The following ZPBP variants were observed in gnomAD, a reference collection of about 807,000 sequenced individuals.
ZPBP encodes zona pellucida binding protein, also known as zona pellucida-binding protein 1.
ZPBP carries 26 observed loss-of-function variants against 44.8 expected under a neutral mutation model. The observed-to-expected ratio is 0.58, with a 90% CI of 0.43 to 0.81. The LOEUF is 0.81. ZPBP is among the 30% of genes least tolerant of loss of function. The probability of loss-of-function intolerance (pLI) is 0.00; values close to 1 mark genes in which losing one functional copy is unlikely to be tolerated. For missense variants in ZPBP, 409 were observed against 434.0 expected (o/e 0.94, Z 0.51); for synonymous variants, 174 against 153.2 (o/e 1.14, Z -1.00).
intron 2 of ZPBP, among the ~76,000 whole-genome samples, chr7:49,852,538 G>A (rs1790222836): frequency 6.6e-6 from 1 of 152,066 alleles, no homozygotes; most frequent in Non-Finnish European, 1.5e-5. Context: ...CAGAAGGGCC[G>A]AAGATCATAC....
intron 1 of ZPBP, among the ~76,000 whole-genome samples, chr7:49,930,726 T>C (rs1350569904): frequency 6.6e-6 from 1 of 152,158 alleles, no homozygotes; most frequent in Non-Finnish European, 1.5e-5. Context: ...TACTTCTGAG[T>C]ATTTAGCATG....
chr7:49,860,473 A>G (rs1347400171), intron 2 of ZPBP, among the ~76,000 whole-genome samples: 2 of 152,206 alleles, frequency 1.3e-5, no homozygotes. Context: ...TTGTATGTAT[A>G]TGCCGTGATT....
At chr7:50,086,556 C>T (rs1802660989) in intron 2 of ZPBP, among the ~76,000 whole-genome samples, 3 of 151,718 alleles carry the variant, frequency 2.0e-5, no homozygotes. Context: ...TTAAACAGTA[C>T]AATAACTGAA....
downstream of ZPBP, chr7:49,935,697 C>T (rs1472611304): frequency 6.6e-6 from 1 of 152,246 alleles, no homozygotes; most frequent in Non-Finnish European, 1.5e-5. Context: ...GCGCTCGGCC[C>T]TTTGCATCAA....
intron 3 of ZPBP, among the ~76,000 whole-genome samples, chr7:50,073,651 A>G (rs977609103): frequency 6.6e-6 from 1 of 152,120 alleles, no homozygotes; most frequent in Non-Finnish European, 1.5e-5. Flanking sequence ...GGATCCAAAA[A>G]GCAGAAAGAA....
At chr7:50,023,504 G>C (rs1799189370) in intron 5 of ZPBP, among the ~76,000 whole-genome samples, 1 of 151,804 alleles carries the variant, frequency 6.6e-6, no homozygotes, top group Admixed American at 6.6e-5. Flanking sequence ...CCAAATCCCA[G>C]ACAGATAAAC....
At position 49,877,481 on chromosome 7, in the gene ZPBP, A is replaced by AAAATATACATATATATAT; in HGVS notation, n.509+23636_509+23637insATATATATATGTATATTT. Among the ~76,000 whole-genome samples, 26 of 12,732 alleles carry AAAATATACATATATATAT rather than the reference A, an allele frequency of 2.0e-3. 5 individuals carry two copies. Among genetic ancestry groups the AAAATATACATATATATAT allele is most frequent in the East Asian group, 0.011 (2 of 180 alleles). 8.4% of individuals were successfully genotyped at this position (12,732 alleles called of 152,430 possible). A position where few individuals can be genotyped will look rare whatever the true frequency, so the allele number is the denominator to read the frequency against. ...CTGTCTCAAAAAAAAAAAAAAAAAAAATATATATATATATATATATATATA... is the reference window on the plus strand; with the variant it reads ...CTGTCTCAAAAAAAAAAAAAAAAAAAAAATATACATATATATATATATATATATATATATATATATATA... On this transcript the variant is annotated intron_variant and non_coding_transcript_variant, in intron 2 of 2. Transcript: ENST00000465922.
chr7:49,876,221 A>G (rs1010339725), intron 2 of ZPBP, among the ~76,000 whole-genome samples: 2 of 152,190 alleles, frequency 1.3e-5, no homozygotes, highest in Non-Finnish European at 2.9e-5. Flanking sequence ...CCAGATAGTA[A>G]GATACCGAAA....
intron 4 of ZPBP, among the ~76,000 whole-genome samples, chr7:50,033,655 C>T (rs368135936): frequency 2.1e-5 from 3 of 143,420 alleles, no homozygotes; most frequent in Admixed American, 6.9e-5. Context: ...TCTATAATAA[C>T]GTCAATAATT....
intron 5 of ZPBP, among the ~76,000 whole-genome samples, chr7:50,026,806 C>G (rs1387455332): frequency 1.3e-5 from 2 of 151,906 alleles, no homozygotes; most frequent in Non-Finnish European, 1.5e-5. Context: ...AGACTCCCTT[C>G]CTAACTCTGA....
At chr7:49,996,717 A>T (rs1451587897) in intron 6 of ZPBP, among the ~76,000 whole-genome samples, 1 of 152,200 alleles carries the variant, frequency 6.6e-6, no homozygotes, top group Non-Finnish European at 1.5e-5. Flanking sequence ...GACTTTGTTC[A>T]TTTGACCTGG....
At position 50,044,304 on chromosome 7, in the gene ZPBP, T is replaced by C. The variant is rs1439933628; in HGVS notation, c.488-12994A>G. 3.3e-5 allele frequency among the ~76,000 whole-genome samples: 5 copies of C among 151,436 alleles called. 1 individual carries two copies. The highest frequency in any genetic ancestry group is 3.3e-4 in the Admixed American group (5 of 15,220). ...TCAAAAGCCAGCAGAAGACAAGAAATAAAACTAAGATCAGAGCAGAACTAA... is the reference window on the plus strand; with the variant it reads ...TCAAAAGCCAGCAGAAGACAAGAAACAAAACTAAGATCAGAGCAGAACTAA... On this transcript the variant is annotated intron_variant, in intron 4 of 7. Coordinates refer to ENST00000046087, the MANE Select transcript of ZPBP (RefSeq NM_007009.3).
intron 7 of ZPBP, among the ~76,000 whole-genome samples, chr7:49,964,490 A>T (rs765343923): frequency 6.6e-6 from 1 of 152,090 alleles, no homozygotes; most frequent in Non-Finnish European, 1.5e-5. Flanking sequence ...AGCAGCCAAC[A>T]ATTGAAATAA....
intron 4 of ZPBP, among the ~76,000 whole-genome samples, chr7:50,033,910 C>G (rs1799714466): frequency 6.6e-6 from 1 of 152,066 alleles, no homozygotes; most frequent in African/African-American, 2.4e-5. Flanking sequence ...CTAGTCTGGT[C>G]TCGAACTCCT....
chr7:49,951,501 G>A (rs1795342079), intron 7 of ZPBP, among the ~76,000 whole-genome samples: 1 of 147,528 alleles, frequency 6.8e-6, no homozygotes, highest in South Asian at 2.1e-4. Flanking sequence ...AATAAAAACT[G>A]AATGAGACAC....
At chr7:49,855,261 A>T (rs1255922649) in intron 2 of ZPBP, among the ~76,000 whole-genome samples, 1 of 152,238 alleles carries the variant, frequency 6.6e-6, no homozygotes, top group Non-Finnish European at 1.5e-5. Context: ...TGAGGAAAAC[A>T]CTGGGTCATA....
intron 5 of ZPBP, among the ~76,000 whole-genome samples, chr7:50,026,735 A>C (rs921680204): frequency 6.6e-6 from 1 of 151,902 alleles, no homozygotes; most frequent in Non-Finnish European, 1.5e-5. Context: ...AACAAACAAA[A>C]AAACCACACA....
At chr7:49,912,996 A>T (rs1304885249) in intron 1 of ZPBP, 1 of 152,210 alleles carries the variant, frequency 6.6e-6, no homozygotes, top group Non-Finnish European at 1.5e-5. Context: ...AAGCTGAAGC[A>T]GACAACAAAA....
At chr7:49,879,010 C>G (rs1791562062) in intron 2 of ZPBP, among the ~76,000 whole-genome samples, 1 of 152,158 alleles carries the variant, frequency 6.6e-6, no homozygotes, top group African/African-American at 2.4e-5. Flanking sequence ...TGTGTATTCT[C>G]CATATTCTTA....
Sources: gnomAD v4.1 joint callset for allele counts (sites outside exome capture counted in the v4.1 genomes callset) on GRCh38, gnomAD v4.1.1 for gene constraint, MANE v1.5 for transcripts, NCBI Gene and HGNC (gene_info 2026-07-23, HGNC 2026-07-21) for gene names.